HHLA2: variants seen among roughly 807,000 people sequenced by gnomAD.
HHLA2 encodes HHLA2 member of B7 family.
A neutral mutation model predicts 45.9 loss-of-function variants in HHLA2; 48 were observed. The ratio of observed to expected loss-of-function variants is 1.05; its 90% CI spans 0.83 to 1.33. The LOEUF (loss-of-function observed/expected upper bound fraction) is 1.33. HHLA2 is among the 40% of genes most tolerant of loss of function. The pLI is 0.00. For synonymous variants in HHLA2, 161 were observed against 173.9 expected (o/e 0.93, Z 0.59); for missense variants, 462 against 494.3 (o/e 0.93, Z 0.62).
chr3:108,376,010 A>G (rs149869779), intron 9 of HHLA2, among the ~76,000 whole-genome samples: 46 of 152,296 alleles, frequency 3.0e-4, no homozygotes, highest in Non-Finnish European at 4.4e-5. Flanking sequence ...TTGTAGTTTC[A>G]TGACTGTGGT....
chr3:108,318,728 C>G (rs2081145906), intron 2 of HHLA2, among the ~76,000 whole-genome samples: 1 of 152,132 alleles, frequency 6.6e-6, no homozygotes, highest in Admixed American at 6.5e-5. Flanking sequence ...TTTTCCTACC[C>G]ACATATATTT....
intron 1 of HHLA2, among the ~76,000 whole-genome samples, chr3:108,309,989 C>T (rs62266178): frequency 0.068 from 10,324 of 152,014 alleles, 486 homozygotes; most frequent in Non-Finnish European, 0.092. Flanking sequence ...ATTTTTTATT[C>T]TTTGGGTTAT....
intron 7 of HHLA2, among the ~76,000 whole-genome samples, chr3:108,359,014 C>A (rs1189935630): frequency 6.6e-6 from 1 of 152,128 alleles, no homozygotes; most frequent in Non-Finnish European, 1.5e-5. Context: ...TAATAACACT[C>A]CCTTTGTAGA....
At chr3:108,324,626 C>A (rs573630358) in intron 2 of HHLA2, among the ~76,000 whole-genome samples, 2 of 152,200 alleles carry the variant, frequency 1.3e-5, no homozygotes, top group African/African-American at 4.8e-5. Context: ...CTATGGTAAT[C>A]CTGTCCTTGC....
intron 6 of HHLA2, among the ~76,000 whole-genome samples, chr3:108,356,071 C>T (rs2081886284): frequency 6.9e-6 from 1 of 144,128 alleles, no homozygotes; most frequent in Non-Finnish European, 1.5e-5. Flanking sequence ...CCTCTGTCGC[C>T]CAGGCTGGAG....
intron 2 of HHLA2, among the ~76,000 whole-genome samples, chr3:108,317,576 C>CCTT (rs778903008): frequency 4.9e-5 from 6 of 122,608 alleles, no homozygotes; most frequent in Non-Finnish European, 5.7e-5. Flanking sequence ...GAGATTACTT[C>CCTT]TTTTTTTTTT....
chr3:108,338,468 A>G (rs549162105), intron 3 of HHLA2, among the ~76,000 whole-genome samples: 1 of 151,560 alleles, frequency 6.6e-6, no homozygotes, highest in Non-Finnish European at 1.5e-5. Flanking sequence ...GTTGGGGGGC[A>G]CTCATGTGTG....
intron 2 of HHLA2, chr3:108,325,752 G>A (rs774759779): frequency 4.8e-5 from 12 of 251,858 alleles, no homozygotes; most frequent in African/African-American, 6.9e-5. Flanking sequence ...CCATATCTAC[G>A]ATCACCACGG....
At chr3:108,302,676 G>A (rs939881676) in intron 1 of HHLA2, 2 of 152,470 alleles carry the variant, frequency 1.3e-5, no homozygotes, top group African/African-American at 2.4e-5. Context: ...GGCTGAGGCA[G>A]GAGAATCGCT....
At chr3:108,371,239 G>C (rs2082164672) in intron 8 of HHLA2, among the ~76,000 whole-genome samples, 1 of 152,142 alleles carries the variant, frequency 6.6e-6, no homozygotes, top group Non-Finnish European at 1.5e-5. Flanking sequence ...CTTCATAAGT[G>C]AAGGAGAAAC....
At chr3:108,311,450 G>T (rs946531389) in intron 2 of HHLA2, among the ~76,000 whole-genome samples, 4 of 152,100 alleles carry the variant, frequency 2.6e-5, no homozygotes, top group African/African-American at 9.7e-5. Flanking sequence ...AGGAGAAAAT[G>T]GAAATTCAAG....
intron 1 of HHLA2, among the ~76,000 whole-genome samples, chr3:108,304,845 A>G (rs1265617422): frequency 1.3e-5 from 2 of 152,060 alleles, no homozygotes; most frequent in East Asian, 3.9e-4. Context: ...GTTTCACTTA[A>G]CCCTGCCTGC....
At chr3:108,328,029 A>ATTCCC (rs111821488) in intron 2 of HHLA2, among the ~76,000 whole-genome samples, 2 of 152,200 alleles carry the variant, frequency 1.3e-5, no homozygotes, top group African/African-American at 4.8e-5. Flanking sequence ...GCTACTTGGG[A>ATTCCC]GGCTGAGGCA....
At chr3:108,353,585 T>C (rs1162652754) in exon 5 of HHLA2, 3 of 1,613,656 alleles carry the variant, frequency 1.9e-6, no homozygotes, top group Admixed American at 1.7e-5. Context: ...TCACAGTTAC[T>C]ACAAAGGCAG....
chr3:108,310,300 C>T (rs2080998436), intron 1 of HHLA2, among the ~76,000 whole-genome samples: 1 of 152,116 alleles, frequency 6.6e-6, no homozygotes, highest in Non-Finnish European at 1.5e-5. Flanking sequence ...AGCAATTATA[C>T]ATTTTACATA....
At chr3:108,335,601 T>C (rs920421818) in intron 3 of HHLA2, among the ~76,000 whole-genome samples, 1 of 152,102 alleles carries the variant, frequency 6.6e-6, no homozygotes, top group Non-Finnish European at 1.5e-5. Context: ...TAGAAGAAGA[T>C]TGACTATACA....
At chr3:108,365,367 G>C (rs752761612) in intron 8 of HHLA2, among the ~76,000 whole-genome samples, 10 of 152,074 alleles carry the variant, frequency 6.6e-5, no homozygotes, top group Non-Finnish European at 1.2e-4. Context: ...TATCTGTTTT[G>C]GTACCAGTAC....
chr3:108,334,958 A>G (rs2081446342), intron 3 of HHLA2, among the ~76,000 whole-genome samples: 1 of 152,192 alleles, frequency 6.6e-6, no homozygotes, highest in African/African-American at 2.4e-5. Flanking sequence ...GCTGTTCCAT[A>G]TGTTGTCCCC....
chr3:108,340,908 T>TTTTTCTTCC (rs1306101839), intron 3 of HHLA2, among the ~76,000 whole-genome samples: 1 of 59,450 alleles, frequency 1.7e-5, no homozygotes. Context: ...TTTTTTTTTT[T>TTTTTCTTCC]TTCCTTCCTT....
Sources: allele counts gnomAD v4.1 joint callset (sites outside exome capture counted in the v4.1 genomes callset), GRCh38; gene constraint gnomAD v4.1.1; transcripts MANE v1.5; gene names NCBI Gene and HGNC (gene_info 2026-07-23, HGNC 2026-07-21).